Variants in PRDM11 observed in about 807,000 individuals in gnomAD.
The protein encoded by PRDM11 is PR domain-containing protein 11.
A neutral mutation model predicts 97.8 loss-of-function variants in PRDM11; 20 were observed. The observed-to-expected ratio is 0.20, with a 90% CI of 0.14 to 0.30. The LOEUF is 0.30. Among genes scored for constraint, PRDM11 ranks in the 10% least tolerant of loss-of-function variants. The pLI is 1.00. For missense variants in PRDM11, 1,139 were observed against 1,555.2 expected (o/e 0.73, Z 4.50); for synonymous variants, 599 against 637.7 (o/e 0.94, Z 0.91).
At chr11:45,179,123 G>A (rs150129941) in intron 1 of PRDM11, among the ~76,000 whole-genome samples, 260 of 152,316 alleles carry the variant, frequency 1.7e-3, no homozygotes, top group Non-Finnish European at 2.5e-3. Flanking sequence ...TGGCATACAG[G>A]TGGGGCTTGT....
At position 45,226,746 on chromosome 11, in the gene PRDM11, G is replaced by C. The variant is rs1273418877; in HGVS notation, c.2121G>C (p.Gln707His). Residue 707 changes from glutamine to histidine, a missense_variant, in exon 8 of 8, where the codon CAG (glutamine) becomes CAC (histidine). Around this residue, in one of 2 missense-constraint regions of PRDM11, gnomAD observed 710 missense variants for 1,044.9 expected, o/e 0.68. Coordinates refer to ENST00000683152, the MANE Select transcript of PRDM11 (RefSeq NM_001384648.1). Reference protein sequence around the residue: ...LGFSSTESYLQALDRAFSALG... With the variant: ...LGFSSTESYLHALDRAFSALG... ...TCTCTAGCACAGAAAGCTATCTCCA[G>C]GCACTTGACCGGGCCTTCTCGGCCT... 3 of 1,533,872 alleles carry C rather than the reference G, an allele frequency of 2.0e-6. No homozygotes were observed. The highest frequency in any genetic ancestry group is 2.6e-6 in the Non-Finnish European group (3 of 1,146,732).
At chr11:45,095,988 C>A (rs1851883348) in intron 1 of PRDM11, 4 of 722,990 alleles carry the variant, frequency 5.5e-6, no homozygotes, top group East Asian at 2.6e-5. Context: ...TCCTCCAGAT[C>A]TTTATTCAGG....
chr11:45,122,216 C>A (rs1188386618), intron 1 of PRDM11, among the ~76,000 whole-genome samples: 7 of 129,566 alleles, frequency 5.4e-5, no homozygotes, highest in Non-Finnish European at 1.1e-4. Context: ...CACACACACA[C>A]ACACACACAC....
upstream of PRDM11, chr11:45,095,786 G>T (rs368444824): frequency 3.4e-5 from 25 of 728,562 alleles, no homozygotes; most frequent in Non-Finnish European, 5.8e-5. Context: ...CACCCATTTC[G>T]GGTCACAAGG....
At chr11:45,173,213 T>A (rs1852244511) in intron 1 of PRDM11, among the ~76,000 whole-genome samples, 1 of 152,068 alleles carries the variant, frequency 6.6e-6, no homozygotes, top group South Asian at 2.1e-4. Flanking sequence ...TCTCACTTAG[T>A]TGGTCCTATA....
intron 1 of PRDM11, among the ~76,000 whole-genome samples, chr11:45,158,917 T>G (rs1169174523): frequency 6.6e-6 from 1 of 152,184 alleles, no homozygotes; most frequent in African/African-American, 2.4e-5. Context: ...GGGCACAGTC[T>G]GGCCCCTTTG....
At chr11:45,215,180 G>T (rs1853920872) in intron 5 of PRDM11, among the ~76,000 whole-genome samples, 1 of 152,158 alleles carries the variant, frequency 6.6e-6, no homozygotes, top group Admixed American at 6.5e-5. Flanking sequence ...TGTGTGTCTG[G>T]CACTGGCAAG....
At chr11:45,142,002 G>C (rs954287973), upstream of PRDM11, among the ~76,000 whole-genome samples, 19 of 152,128 alleles carry the variant, frequency 1.2e-4, no homozygotes, top group African/African-American at 3.9e-4. Flanking sequence ...CAGATGCTGG[G>C]AAGCCAGAAA....
chr11:45,149,525 G>A (rs756224171), intron 1 of PRDM11, among the ~76,000 whole-genome samples: 2 of 152,190 alleles, frequency 1.3e-5, no homozygotes, highest in South Asian at 2.1e-4. Flanking sequence ...TACTATTTCC[G>A]GTTCTTCCAT....
chr11:45,129,355 C>T (rs1488299493), intron 1 of PRDM11, among the ~76,000 whole-genome samples: 2 of 152,206 alleles, frequency 1.3e-5, no homozygotes, highest in Non-Finnish European at 2.9e-5. Flanking sequence ...AAGAATAAAA[C>T]TATTATTTGC....
intron 1 of PRDM11, among the ~76,000 whole-genome samples, chr11:45,105,718 G>A (rs1386883258): frequency 6.6e-6 from 1 of 152,226 alleles, no homozygotes; most frequent in Non-Finnish European, 1.5e-5. Context: ...TTGCCAGGAC[G>A]TAGCCTCAGG....
At chr11:45,159,982 G>A (rs1387994702) in intron 1 of PRDM11, among the ~76,000 whole-genome samples, 1 of 152,304 alleles carries the variant, frequency 6.6e-6, no homozygotes, top group Non-Finnish European at 1.5e-5. Context: ...GCCTCTGACT[G>A]CCCAACCCAT....
chr11:45,139,610 G>T (rs1392523603), intron 1 of PRDM11, among the ~76,000 whole-genome samples: 1 of 149,884 alleles, frequency 6.7e-6, no homozygotes, highest in African/African-American at 2.5e-5. Context: ...AGGATGTAAA[G>T]CAGGGCATAT....
intron 1 of PRDM11, among the ~76,000 whole-genome samples, chr11:45,149,958 T>A (rs1029995747): frequency 6.6e-6 from 1 of 152,206 alleles, no homozygotes; most frequent in Non-Finnish European, 1.5e-5. Context: ...GGACCCTGAC[T>A]TGGAAAGCAG....
At chr11:45,186,781 G>A (rs956269313) in intron 4 of PRDM11, among the ~76,000 whole-genome samples, 4 of 152,120 alleles carry the variant, frequency 2.6e-5, no homozygotes, top group Admixed American at 2.6e-4. Context: ...ACTCTTCCTC[G>A]AAACAGTCCA....
chr11:45,174,562 CA>C (rs1852283363), intron 1 of PRDM11, among the ~76,000 whole-genome samples: 1 of 152,200 alleles, frequency 6.6e-6, no homozygotes, highest in African/African-American at 2.4e-5. Context: ...TTCATTCGTT[CA>C]TCAAATATGC....
At chr11:45,225,267 C>G (rs1466150368) in intron 7 of PRDM11, among the ~76,000 whole-genome samples, 1 of 152,176 alleles carries the variant, frequency 6.6e-6, no homozygotes, top group East Asian at 1.9e-4. Context: ...TCTTCTCTTC[C>G]TGAATCTCTG....
chr11:45,108,707 G>A (rs1159301839), intron 1 of PRDM11, among the ~76,000 whole-genome samples: 1 of 152,170 alleles, frequency 6.6e-6, no homozygotes, highest in African/African-American at 2.4e-5. Flanking sequence ...TGTCTTTGAA[G>A]TCCTTGGACC....
At position 45,226,438 on chromosome 11, in the gene PRDM11, C is replaced by G; in HGVS notation, c.1813C>G (p.Pro605Ala). The G allele has an allele frequency of 6.5e-7, 1 of 1,533,982 alleles. No individual in the cohort carries two copies. The highest frequency in any genetic ancestry group is 8.7e-7 in the Non-Finnish European group (1 of 1,146,738). The change falls in exon 8 of 8, where the codon CCC (proline) becomes GCC (alanine). Residue 605 changes from proline (P) to alanine (A), a missense_variant. This residue lies in a region of PRDM11 where 710 missense variants were observed against 1,044.9 expected (regional missense o/e 0.68). Transcript: ENST00000683152. Reference protein sequence around the residue: ...TAYHLALEGRPYLDFRPLAEL... With the variant: ...TAYHLALEGRAYLDFRPLAEL... ...CTACCACCTGGCCTTGGAGGGCAGG[C>G]CCTACCTGGACTTCCGGCCCCTGGC...
Sources: gnomAD v4.1 joint callset for allele counts (sites outside exome capture counted in the v4.1 genomes callset) on GRCh38, gnomAD v4.1.1 for gene constraint, gnomAD v4.1.1 regional missense constraint, MANE v1.5 for transcripts, NCBI Gene and HGNC (gene_info 2026-07-23, HGNC 2026-07-21) for gene names.